SREBF1: variants seen among roughly 807,000 people sequenced by gnomAD.
SREBF1 encodes sterol regulatory element-binding protein 1.
In SREBF1, 45 loss-of-function variants were observed where a neutral mutation model predicts 100.1. The observed-to-expected ratio is 0.45, with a 90% confidence interval of 0.35 to 0.58. The LOEUF is 0.58. SREBF1 is among the 20% of genes least tolerant of loss of function. The pLI, the probability that SREBF1 is intolerant of heterozygous loss-of-function variation, is 0.00. For missense variants in SREBF1, 1,324 were observed against 1,539.4 expected (o/e 0.86, Z 2.34); for synonymous variants, 657 against 681.8 (o/e 0.96, Z 0.57).
intron 13 of SREBF1, 56 bp from the exon 14 acceptor site, chr17:17,815,000 C>T: frequency 6.8e-7 from 1 of 1,478,264 alleles, no homozygotes. Flanking sequence ...TAGGAGGGTG[C>T]TCCCCACCTG....
At chr17:17,836,533 G>A (rs909180353) in intron 1 of SREBF1, among the ~76,000 whole-genome samples, 194 bp downstream of exon 1, 1 of 152,196 alleles carries the variant, frequency 6.6e-6, no homozygotes, top group Non-Finnish European at 1.5e-5. Context: ...ACAAGCGCGC[G>A]GCCCGAGACG....
At chr17:17,818,062 A>G in intron 6 of SREBF1, 146 bp from the exon 7 acceptor site, 1 of 926,860 alleles carries the variant, frequency 1.1e-6, no homozygotes, top group Non-Finnish European at 1.7e-6. Flanking sequence ...GGCCAAAGGG[A>G]GGCACCAGGT....
chr17:17,817,356 G>T lies in SREBF1; in HGVS notation c.1506C>A (p.Pro502=). Reference sequence around the variant, plus strand: ...CCCGGGCCCCCAGCAAGGAGGCCAAGGGGTTGCAGGACAGGCAGAGGAAGA... The same window carrying T: ...CCCGGGCCCCCAGCAAGGAGGCCAATGGGTTGCAGGACAGGCAGAGGAAGA... ...TLVFLCLSCN[P]LASLLGARGL... is the part of the protein sequence containing the mutation. Residue 502 remains proline (P), a synonymous_variant, in exon 8 of 19, where the codon CCC becomes CCA. Coordinates refer to ENST00000261646, the MANE Select transcript of SREBF1 (RefSeq NM_004176.5). The surrounding 1 kb of genome is among the most constrained non-coding windows in gnomAD (Gnocchi z 6.6). 6.2e-7 allele frequency: 1 copy of T among 1,607,868 alleles called. No homozygotes were observed. The highest frequency in any genetic ancestry group is 1.7e-5 in the Admixed American group (1 of 59,100).
At chr17:17,830,409 G>A (rs912547440) in intron 1 of SREBF1, among the ~76,000 whole-genome samples, 17 of 152,252 alleles carry the variant, frequency 1.1e-4, no homozygotes, top group African/African-American at 3.1e-4. Context: ...TTCACTCATC[G>A]GATCCCCACA....
At chr17:17,835,734 C>A (rs964449472) in intron 1 of SREBF1, among the ~76,000 whole-genome samples, 23 of 152,260 alleles carry the variant, frequency 1.5e-4, no homozygotes, top group South Asian at 2.1e-4. Context: ...CTAATTGGCA[C>A]TTGGTGCCAC....
chr17:17,829,125 G>A (rs911834011), intron 1 of SREBF1, among the ~76,000 whole-genome samples: 11 of 149,180 alleles, frequency 7.4e-5, no homozygotes, highest in Admixed American at 2.0e-4. Flanking sequence ...CCCAGGAGGC[G>A]GAGGTTGCAG....
chr17:17,816,604 G>A lies in SREBF1; in HGVS notation c.1900C>T (p.His634Tyr). 4 of 1,606,050 alleles carry A rather than the reference G, an allele frequency of 2.5e-6. No homozygotes were observed. The highest frequency in any genetic ancestry group is 2.5e-6 in the Non-Finnish European group (3 of 1,177,238). ...CCCACCCAGAGACGCTGCAGCAGGTGACGGATGAGGTTCCAGAGGAGGCTA... is the reference window on the plus strand; with the variant it reads ...CCCACCCAGAGACGCTGCAGCAGGTAACGGATGAGGTTCCAGAGGAGGCTA... ...ACSLLWNLIR[H>Y]LLQRLWVGRW... The change falls in exon 10 of 19, where the codon CAC (histidine) becomes TAC (tyrosine). Residue 634 changes from histidine (H) to tyrosine (Y), a missense_variant. His to Tyr is a moderately conservative substitution (Grantham distance 83). Transcript: ENST00000261646.
intron 1 of SREBF1, chr17:17,823,480 A>G (rs760522955): frequency 1.5e-6 from 2 of 1,305,048 alleles, no homozygotes; most frequent in Non-Finnish European, 2.2e-6. Flanking sequence ...AGACGGAGGC[A>G]TTGTATAAAG....
In SREBF1 at chr17:17,836,972, A is replaced by T. The variant is rs1401673954; in HGVS notation, c.-155T>A. 3 of 593,728 alleles carry T rather than the reference A, an allele frequency of 5.1e-6. No individual in the cohort carries two copies. Among genetic ancestry groups the T allele is most frequent in the Non-Finnish European group, 8.0e-6 (3 of 376,452 alleles). The allele number at this position is 593,728 out of a possible 1,614,324, so 36.8% of individuals were successfully genotyped here. A position where few individuals can be genotyped will look rare whatever the true frequency, so the allele number is the denominator to read the frequency against. On this transcript the variant is annotated 5_prime_UTR_variant, in exon 1 of 19. Coordinates refer to ENST00000261646, the MANE Select transcript of SREBF1 (RefSeq NM_004176.5). ...CAGAGGCGGCCCGGCGCCGGCGAAA[A>T]GTTCCTCGGAAACTGGGTTCCCCCG...
At chr17:17,831,841 TG>T (rs2034882513) in intron 1 of SREBF1, among the ~76,000 whole-genome samples, 1 of 152,200 alleles carries the variant, frequency 6.6e-6, no homozygotes, top group South Asian at 2.1e-4. Flanking sequence ...CAAGGACTCA[TG>T]GAGGCAGCTC....
intron 2 of SREBF1, 28 bp from the exon 3 acceptor site, chr17:17,819,753 A>G: frequency 6.4e-7 from 1 of 1,565,924 alleles, no homozygotes; most frequent in Non-Finnish European, 8.6e-7. Flanking sequence ...GGGGCTGCAG[A>G]CACAGACCTC....
chr17:17,836,378 C>T (rs1043665035), intron 1 of SREBF1, among the ~76,000 whole-genome samples: 18 of 152,244 alleles, frequency 1.2e-4, no homozygotes, highest in African/African-American at 4.3e-4. Flanking sequence ...GCTTCGGCGA[C>T]GCCTGGGTCC....
chr17:17,819,938 G>T, intron 2 of SREBF1, 152 bp downstream of exon 2: 1 of 1,141,386 alleles, frequency 8.8e-7, no homozygotes, highest in Non-Finnish European at 1.2e-6. Context: ...AAGCACACCA[G>T]GACTGCTAGT....
Position 17,814,320 on chromosome 17 carries a change from C to A in SREBF1, c.2826G>T (p.Leu942=). ...CAKAESGPAS[L]TICEKASGYL... ...ACCCACTGGCCTTCTCACAGATGGTCAGGCTGGCTGGACCAGACTCTGCCT... is the reference window on the plus strand; with the variant it reads ...ACCCACTGGCCTTCTCACAGATGGTAAGGCTGGCTGGACCAGACTCTGCCT... Residue 942 remains leucine (L), a synonymous_variant, in exon 16 of 19, where the codon CTG becomes CTT. Transcript: ENST00000261646. 6.3e-7 allele frequency: 1 copy of A among 1,594,878 alleles called. No individual in the cohort carries two copies. Among genetic ancestry groups the A allele is most frequent in the South Asian group, 1.1e-5 (1 of 88,052 alleles).
At chr17:17,835,765 T>C (rs754465446) in intron 1 of SREBF1, among the ~76,000 whole-genome samples, 1 of 152,234 alleles carries the variant, frequency 6.6e-6, no homozygotes, top group Non-Finnish European at 1.5e-5. Flanking sequence ...AAACCCCTTC[T>C]CATCACAGCC....
At position 17,812,396 on chromosome 17, in the gene SREBF1, G is replaced by T. The variant is rs2032972618; in HGVS notation, c.*226C>A. On this transcript the variant is annotated 3_prime_UTR_variant, in exon 19 of 19. Coordinates refer to ENST00000261646, the MANE Select transcript of SREBF1 (RefSeq NM_004176.5). ...CCCAAAATGGCTCGGCCCCTGCAGT[G>T]CCCCGATCGGCCACCAGAGGTCAGC... The T allele has an allele frequency of 1.6e-6, 1 of 611,736 alleles. No homozygotes were observed. The highest frequency in any genetic ancestry group is 2.8e-6 in the Non-Finnish European group (1 of 351,954). The allele number at this position is 611,736 out of a possible 1,614,324, so 37.9% of individuals were successfully genotyped here.
intron 16 of SREBF1, 102 bp from the exon 17 acceptor site, chr17:17,813,871 A>C: frequency 8.3e-7 from 1 of 1,208,832 alleles, no homozygotes; most frequent in Non-Finnish European, 1.2e-6. Context: ...TGCACTGCCG[A>C]GGCACTGCAC....
At chr17:17,818,581 G>C (rs1047366681) in intron 5 of SREBF1, 10 of 609,544 alleles carry the variant, frequency 1.6e-5, no homozygotes, top group Non-Finnish European at 3.0e-6. Context: ...GTAAGATGCA[G>C]ACAGCAGGGT....
Position 17,836,952 on chromosome 17 carries a change from GC to G in SREBF1, c.-136del, listed in dbSNP as rs1294598704. ...TTCGTGTCCTGCCCTGGCCTCAGAG[GC>G]GGCCCGGCGCCGGCGAAAAGTTCCT... On this transcript the variant is annotated 5_prime_UTR_variant, in exon 1 of 19. Transcript: ENST00000261646. 1 of 735,556 alleles carries G rather than the reference GC, an allele frequency of 1.4e-6. No individual in the cohort carries two copies. Among genetic ancestry groups the G allele is most frequent in the African/African-American group, 1.9e-5 (1 of 53,054 alleles). 45.6% of individuals were successfully genotyped at this position (735,556 alleles called of 1,614,324 possible). A position where few individuals can be genotyped will look rare whatever the true frequency, so the allele number is the denominator to read the frequency against.
Sources: allele counts gnomAD v4.1 joint callset (sites outside exome capture counted in the v4.1 genomes callset), GRCh38; gene constraint gnomAD v4.1.1; non-coding constraint Gnocchi (gnomAD v3.1); transcripts MANE v1.5; gene names NCBI Gene and HGNC (gene_info 2026-07-23, HGNC 2026-07-21).